The following DSCAM variants were observed in gnomAD, a reference collection of about 807,000 sequenced individuals.
The protein encoded by DSCAM is DS cell adhesion molecule, also known as cell adhesion molecule DSCAM.
DSCAM carries 47 observed loss-of-function variants against 217.7 expected under a neutral mutation model. That is an observed-to-expected ratio of 0.22 (90% CI 0.17 to 0.28). The LOEUF (loss-of-function observed/expected upper bound fraction) is 0.28. Ranked by LOEUF, DSCAM falls within the 10% of genes least tolerant of loss-of-function variation. The pLI is 1.00. For synonymous variants in DSCAM, 1,056 were observed against 1,015.3 expected (o/e 1.04, Z -0.76); for missense variants, 2,080 against 2,618.3 (o/e 0.79, Z 4.49).
rs141911963 is a variant in DSCAM, at chr21:40,257,469, A to AACACACACAC, written c.2356+18618_2356+18627dup. ...TTCAAAGGGCTGGCTGTATTTGCTG[A>AACACACACAC]ACACACACACACACACACACACACA... On this transcript the variant is annotated intron_variant, in intron 11 of 32. Transcript: ENST00000400454. Among the ~76,000 whole-genome samples the AACACACACAC allele has an allele frequency of 7.4e-3, 1,074 of 144,750 alleles. 9 individuals carry two copies. Among genetic ancestry groups the AACACACACAC allele is most frequent in the East Asian group, 9.2e-3 (46 of 4,986 alleles). The allele number at this position is 144,750 out of a possible 152,430, so 95.0% of individuals were successfully genotyped here.
chr21:40,213,075 T>C (rs887893197), intron 11 of DSCAM, among the ~76,000 whole-genome samples: 4 of 152,250 alleles, frequency 2.6e-5, no homozygotes, highest in African/African-American at 4.8e-5. Flanking sequence ...GAAACGTCTG[T>C]TGTTTTAAGC....
At chr21:40,290,083 A>C (rs2073872331) in intron 10 of DSCAM, among the ~76,000 whole-genome samples, 1 of 152,198 alleles carries the variant, frequency 6.6e-6, no homozygotes, top group African/African-American at 2.4e-5. Context: ...AACAAATTAA[A>C]ATGGAAATCA....
intron 11 of DSCAM, among the ~76,000 whole-genome samples, chr21:40,261,616 C>T (rs1053272813): frequency 6.6e-5 from 10 of 150,566 alleles, no homozygotes; most frequent in African/African-American, 2.5e-4. Context: ...TCATGTGGGC[C>T]AATTCCTTAT....
intron 3 of DSCAM, among the ~76,000 whole-genome samples, chr21:40,572,092 GTGT>G (rs761116884): frequency 3.1e-5 from 3 of 97,534 alleles, no homozygotes; most frequent in Non-Finnish European, 5.7e-5. Context: ...GTGGGTGTGT[GTGT>G]GTGTGTGTGT....
In DSCAM at chr21:40,276,206, C is replaced by A; in HGVS notation, c.2247G>T (p.Gly749=). Residue 749 remains glycine, a synonymous_variant, in exon 11 of 33, where the codon GGG becomes GGT. Transcript: ENST00000400454. ...CCACGACATGCTTGATCAGCAACGA[C>A]CCATTGCTGAGAACTTGGATTCGGC... The part of the protein sequence containing the change: ...LNGRIQVLSN[G]SLLIKHVVEE... 6.2e-7 allele frequency: 1 copy of A among 1,613,180 alleles called. No individual in the cohort carries two copies. Among genetic ancestry groups the A allele is most frequent in the Non-Finnish European group, 8.5e-7 (1 of 1,179,516 alleles).
chr21:40,556,412 T>C (rs902409461), intron 3 of DSCAM, among the ~76,000 whole-genome samples: 4 of 152,196 alleles, frequency 2.6e-5, no homozygotes, highest in African/African-American at 9.7e-5. Context: ...AAAACGTTAT[T>C]AAGAAAATTG....
chr21:40,625,142 C>T (rs1380632024), intron 3 of DSCAM, among the ~76,000 whole-genome samples: 1 of 151,926 alleles, frequency 6.6e-6, no homozygotes, highest in South Asian at 2.1e-4. Flanking sequence ...ATTTCTGAAA[C>T]AGGAATGAGT....
intron 3 of DSCAM, among the ~76,000 whole-genome samples, chr21:40,460,728 AAG>A (rs2075799330): frequency 6.6e-6 from 1 of 152,208 alleles, no homozygotes; most frequent in African/African-American, 2.4e-5. Context: ...TTTTCTTCAA[AAG>A]AGAGATGCAA....
At chr21:40,451,165 A>G (rs1228035955) in intron 3 of DSCAM, among the ~76,000 whole-genome samples, 2 of 152,148 alleles carry the variant, frequency 1.3e-5, no homozygotes, top group South Asian at 2.1e-4. Flanking sequence ...TGGAATTTGG[A>G]TCGCCTGTTG....
At chr21:40,115,608 A>G (rs7276134) in intron 20 of DSCAM, among the ~76,000 whole-genome samples, 23,034 of 152,208 alleles carry the variant, frequency 0.15, 2,166 homozygotes, top group African/African-American at 0.26. Flanking sequence ...ATGAGATATC[A>G]TCTCACACCA....
intron 11 of DSCAM, among the ~76,000 whole-genome samples, chr21:40,244,923 TTTCCGCC>T (rs2073202625): frequency 6.6e-6 from 1 of 152,164 alleles, no homozygotes; most frequent in African/African-American, 2.4e-5. Flanking sequence ...ACAGTGCTCA[TTTCCGCC>T]GACTGCCAAG....
At chr21:40,088,125 CTCCTG>C (rs1484428837) in intron 21 of DSCAM, among the ~76,000 whole-genome samples, 1 of 152,186 alleles carries the variant, frequency 6.6e-6, no homozygotes, top group African/African-American at 2.4e-5. Flanking sequence ...CCCGGGGCTT[CTCCTG>C]TCCTTTGTTT....
chr21:40,404,327 G>T (rs2075263119), intron 3 of DSCAM, among the ~76,000 whole-genome samples: 1 of 152,194 alleles, frequency 6.6e-6, no homozygotes, highest in African/African-American at 2.4e-5. Context: ...CCAAGAGGCG[G>T]TTGGAGATCT....
chr21:40,771,766 T>C (rs2091447066), intron 1 of DSCAM, among the ~76,000 whole-genome samples: 2 of 152,226 alleles, frequency 1.3e-5, no homozygotes, highest in African/African-American at 4.8e-5. Flanking sequence ...TTTGTGATGC[T>C]ATTGTTACAG....
At chr21:40,694,479 C>A (rs1210691956) in intron 2 of DSCAM, among the ~76,000 whole-genome samples, 7 of 152,134 alleles carry the variant, frequency 4.6e-5, no homozygotes, top group Non-Finnish European at 8.8e-5. Context: ...TCGGGCTAAC[C>A]TTGTGATATG....
intron 1 of DSCAM, among the ~76,000 whole-genome samples, chr21:40,823,536 A>C (rs1411366620): frequency 6.6e-6 from 1 of 152,140 alleles, no homozygotes; most frequent in East Asian, 1.9e-4. Flanking sequence ...ATAACAAAAA[A>C]TATAAATATT....
intron 11 of DSCAM, among the ~76,000 whole-genome samples, chr21:40,225,284 T>C (rs1601459191): frequency 6.6e-6 from 1 of 152,166 alleles, no homozygotes; most frequent in African/African-American, 2.4e-5. Context: ...CACTTGACCT[T>C]GACCATCATT....
At chr21:40,665,506 A>T (rs2090189407) in intron 3 of DSCAM, among the ~76,000 whole-genome samples, 1 of 152,144 alleles carries the variant, frequency 6.6e-6, no homozygotes, top group South Asian at 2.1e-4. Flanking sequence ...AACCAATCTA[A>T]AGGACAACTT....
intron 20 of DSCAM, among the ~76,000 whole-genome samples, chr21:40,119,431 T>G (rs2090007852): frequency 6.6e-6 from 1 of 152,174 alleles, no homozygotes; most frequent in South Asian, 2.1e-4. Context: ...TGGAGAGGTC[T>G]TCCTGAGTAC....
Sources: gnomAD v4.1 joint callset for allele counts (sites outside exome capture counted in the v4.1 genomes callset) on GRCh38, gnomAD v4.1.1 for gene constraint, MANE v1.5 for transcripts, NCBI Gene and HGNC (gene_info 2026-07-23, HGNC 2026-07-21) for gene names.